The following FRAS1 variants were observed in gnomAD, a reference collection of about 807,000 sequenced individuals.
FRAS1 encodes the protein Fraser extracellular matrix complex subunit 1.
In FRAS1, 290 loss-of-function variants were observed where a neutral mutation model predicts 435.2. The observed-to-expected ratio is 0.67, with a 90% confidence interval of 0.61 to 0.73. The LOEUF (loss-of-function observed/expected upper bound fraction) is 0.73. Among genes scored for constraint, FRAS1 ranks in the 30% least tolerant of loss-of-function variants. The probability of loss-of-function intolerance (pLI) is 0.00; values close to 1 mark genes in which losing one functional copy is unlikely to be tolerated. For missense variants in FRAS1, 4,860 were observed against 5,001.5 expected, an observed-to-expected ratio of 0.97 and a Z score of 0.85; for synonymous variants, 1,800 against 1,851.0, an observed-to-expected ratio of 0.97 and a Z score of 0.71.
chr4:78,540,251 G>A (rs980073715), intron 73 of FRAS1, among the ~76,000 whole-genome samples: 3 of 152,132 alleles, frequency 2.0e-5, no homozygotes, highest in African/African-American at 7.2e-5. Context: ...CATTCACTTA[G>A]CTAAAGAGAC....
intron 47 of FRAS1, among the ~76,000 whole-genome samples, chr4:78,463,101 G>T (rs1719419102): frequency 6.6e-6 from 1 of 152,168 alleles, no homozygotes; most frequent in Non-Finnish European, 1.5e-5. Context: ...TGTGCTGGAG[G>T]ATTAAAAGAT....
rs1286734239 is a variant in FRAS1 at position 78,448,043 on chromosome 4, C to A, written c.6011-10C>A. ...ACCATTGTTTTGCTTTTCTTTACCT[C>A]TTCCCTCAGGTCATGTACTCTGGAG... On this transcript the variant is annotated splice_polypyrimidine_tract_variant and intron_variant, in intron 43 of 73. Transcript: ENST00000512123. 5 of 1,585,086 alleles carry A rather than the reference C, an allele frequency of 3.2e-6. No individual in the cohort carries two copies. The African/African-American group carries it at 5.4e-5, about 17-fold the overall frequency.
intron 4 of FRAS1, among the ~76,000 whole-genome samples, chr4:78,247,899 A>G (rs1477569736): frequency 2.0e-5 from 3 of 152,142 alleles, no homozygotes; most frequent in African/African-American, 7.2e-5. Context: ...GATTTAGGAT[A>G]GATTCGGTGT....
intron 9 of FRAS1, among the ~76,000 whole-genome samples, chr4:78,273,939 G>T (rs187325815): frequency 0.011 from 1,736 of 152,230 alleles, 17 homozygotes; most frequent in Non-Finnish European, 0.019. Context: ...GAATCCATCT[G>T]GTCCTGGACT....
At chr4:78,067,453 G>C (rs1178579827) in intron 2 of FRAS1, among the ~76,000 whole-genome samples, 1 of 151,990 alleles carries the variant, frequency 6.6e-6, no homozygotes, top group Non-Finnish European at 1.5e-5. Flanking sequence ...GGAGAGGTCA[G>C]TTTGATCAAG....
chr4:78,373,053 T>A (rs963676354), intron 24 of FRAS1, among the ~76,000 whole-genome samples, 195 bp downstream of exon 24: 12 of 152,152 alleles, frequency 7.9e-5, no homozygotes, highest in Non-Finnish European at 1.5e-5. Flanking sequence ...AGACATTTGC[T>A]AAAATTTGAG....
intron 17 of FRAS1, 36 bp downstream of exon 17, chr4:78,317,544 T>C (rs765857968): frequency 7.5e-5 from 118 of 1,576,502 alleles, no homozygotes; most frequent in Non-Finnish European, 9.8e-5. Context: ...TGAGAGGCTA[T>C]CCCACAAGAA....
intron 2 of FRAS1, among the ~76,000 whole-genome samples, chr4:78,122,699 GT>G (rs1560535410): frequency 6.6e-6 from 1 of 152,050 alleles, no homozygotes; most frequent in Non-Finnish European, 1.5e-5. Context: ...TCTCATTGTG[GT>G]TTTGATTTGC....
intron 1 of FRAS1, among the ~76,000 whole-genome samples, chr4:78,063,179 G>A (rs146857081): frequency 1.6e-4 from 24 of 152,240 alleles, no homozygotes; most frequent in African/African-American, 5.1e-4. Context: ...GTGAACTGAC[G>A]GATTAGTGAA....
chr4:78,284,760 C>T (rs1727503311), intron 13 of FRAS1, among the ~76,000 whole-genome samples: 1 of 152,106 alleles, frequency 6.6e-6, no homozygotes. Context: ...TTTTTTCTGA[C>T]ATTTTATAGG....
chr4:78,272,371 C>A (rs1446464783), intron 9 of FRAS1, among the ~76,000 whole-genome samples: 2 of 152,192 alleles, frequency 1.3e-5, no homozygotes, highest in Non-Finnish European at 2.9e-5. Context: ...GTGTTTTAGA[C>A]ATGAAGTCCT....
At chr4:78,195,090 A>G (rs559936240) in intron 2 of FRAS1, among the ~76,000 whole-genome samples, 1 of 152,268 alleles carries the variant, frequency 6.6e-6, no homozygotes, top group South Asian at 2.1e-4. Context: ...AACAGTGGAT[A>G]TTGGTGAACA....
At chr4:78,379,691 C>T (rs1731932372) in intron 26 of FRAS1, 35 bp from the exon 27 acceptor site, 1 of 1,586,212 alleles carries the variant, frequency 6.3e-7, no homozygotes, top group Admixed American at 1.9e-5. Flanking sequence ...GTGAAGGTAC[C>T]ATAAGCTTGA....
At position 78,252,427 on chromosome 4, in the gene FRAS1, G is replaced by A. The variant is rs1275028944; in HGVS notation, c.345G>A (p.Val115=). The A allele has an allele frequency of 6.2e-7, 1 of 1,613,176 alleles. No individual in the cohort carries two copies. The highest frequency in any genetic ancestry group is 1.1e-5 in the South Asian group (1 of 91,052). Residue 115 remains valine, a synonymous_variant, in exon 5 of 74, where the codon GTG becomes GTA. Coordinates refer to ENST00000512123, the MANE Select transcript of FRAS1 (RefSeq NM_025074.7). Reference sequence around the variant, plus strand: ...AATGGGCCTCTTCTCCATGTAGTGTGTGCTCTTGCAATCATGGGGAAGTCC... The same window carrying A: ...AATGGGCCTCTTCTCCATGTAGTGTATGCTCTTGCAATCATGGGGAAGTCC... ...GTEWASSPCS[V]CSCNHGEVRC... is the part of the protein sequence containing the mutation.
intron 2 of FRAS1, among the ~76,000 whole-genome samples, chr4:78,091,696 G>C (rs906492296): frequency 3.3e-5 from 5 of 151,742 alleles, no homozygotes; most frequent in Non-Finnish European, 7.4e-5. Flanking sequence ...GCCCAGGCTG[G>C]AGTGCTGTGG....
At chr4:78,133,040 AC>A (rs1288550406) in intron 2 of FRAS1, among the ~76,000 whole-genome samples, 1 of 152,170 alleles carries the variant, frequency 6.6e-6, no homozygotes, top group Non-Finnish European at 1.5e-5. Context: ...ACGCCACTGC[AC>A]TCCAGCCTGG....
intron 14 of FRAS1, among the ~76,000 whole-genome samples, chr4:78,304,711 A>G (rs1728611770): frequency 6.6e-6 from 1 of 152,032 alleles, no homozygotes; most frequent in Non-Finnish European, 1.5e-5. Flanking sequence ...AGGTGGTGAT[A>G]TCCCCTTTAT....
At chr4:78,483,931 G>A (rs1437515109) in intron 58 of FRAS1, among the ~76,000 whole-genome samples, 5 of 151,504 alleles carry the variant, frequency 3.3e-5, no homozygotes, top group South Asian at 4.2e-4. Flanking sequence ...AAAGTCCATC[G>A]TCCTTAGTGT....
intron 31 of FRAS1, among the ~76,000 whole-genome samples, chr4:78,412,699 T>G (rs1733388660): frequency 6.6e-6 from 1 of 152,226 alleles, no homozygotes; most frequent in Non-Finnish European, 1.5e-5. Context: ...ATTCACTATT[T>G]CTAGATAGTG....
Sources: allele counts gnomAD v4.1 joint callset (sites outside exome capture counted in the v4.1 genomes callset), GRCh38; gene constraint gnomAD v4.1.1; transcripts MANE v1.5; gene names NCBI Gene and HGNC (gene_info 2026-07-23, HGNC 2026-07-21).